The following GPC6 variants were observed in gnomAD, a reference collection of about 807,000 sequenced individuals.
The protein encoded by GPC6 is glypican 6.
GPC6 carries 14 observed loss-of-function variants against 55.2 expected under a neutral mutation model. The observed-to-expected ratio is 0.25, with a 90% CI of 0.17 to 0.40. The LOEUF (loss-of-function observed/expected upper bound fraction) is 0.40. GPC6 is among the 10% of genes least tolerant of loss of function. The pLI is 1.00. For missense variants in GPC6, 641 were observed against 708.5 expected, an observed-to-expected ratio of 0.90 and a Z score of 1.08; for synonymous variants, 278 against 259.6, an observed-to-expected ratio of 1.07 and a Z score of -0.68.
intron 6 of GPC6, among the ~76,000 whole-genome samples, chr13:94,379,782 G>A (rs965762166): frequency 2.6e-5 from 4 of 152,148 alleles, no homozygotes; most frequent in African/African-American, 9.7e-5. Flanking sequence ...AGGACTATTA[G>A]TCACTTGACC....
intron 1 of GPC6, among the ~76,000 whole-genome samples, chr13:93,326,264 G>A (rs561217515): frequency 1.3e-5 from 2 of 152,234 alleles, no homozygotes; most frequent in Admixed American, 1.3e-4. Context: ...GTGTGCATTG[G>A]ACTATCTGGG....
intron 4 of GPC6, among the ~76,000 whole-genome samples, chr13:94,183,123 T>G (rs1594031998): frequency 6.6e-6 from 1 of 152,330 alleles, no homozygotes; most frequent in Middle Eastern, 3.4e-3. Context: ...ATTATATTCA[T>G]AATTTCGTGC....
At chr13:93,275,110 C>T (rs988456522) in intron 1 of GPC6, among the ~76,000 whole-genome samples, 1 of 152,192 alleles carries the variant, frequency 6.6e-6, no homozygotes, top group African/African-American at 2.4e-5. Context: ...GGGAAAGCCT[C>T]TTCTGATTAT....
intron 2 of GPC6, among the ~76,000 whole-genome samples, chr13:93,766,866 A>G (rs868559213): frequency 9.8e-5 from 15 of 152,308 alleles, no homozygotes; most frequent in Middle Eastern, 3.4e-3. Context: ...CCAAATATAT[A>G]TAATTGTTAC....
At chr13:93,644,669 AATG>A (rs1013732231) in intron 2 of GPC6, among the ~76,000 whole-genome samples, 19 of 152,070 alleles carry the variant, frequency 1.2e-4, no homozygotes, top group African/African-American at 4.3e-4. Flanking sequence ...TTATAAAAAT[AATG>A]ATGATAGTTA....
intron 4 of GPC6, among the ~76,000 whole-genome samples, chr13:94,187,652 G>T (rs1310113181): frequency 2.0e-5 from 3 of 152,142 alleles, no homozygotes; most frequent in Non-Finnish European, 4.4e-5. Flanking sequence ...GGCAAACATT[G>T]TTCTAGGTGC....
chr13:93,241,223 A>G (rs1426160321), intron 1 of GPC6, among the ~76,000 whole-genome samples: 1 of 152,198 alleles, frequency 6.6e-6, no homozygotes, highest in Non-Finnish European at 1.5e-5. Flanking sequence ...TATTCCCTCA[A>G]ATAGGTTTTC....
chr13:94,264,886 A>G (rs573192799), intron 4 of GPC6, among the ~76,000 whole-genome samples: 2 of 152,344 alleles, frequency 1.3e-5, no homozygotes, highest in Admixed American at 6.5e-5. Context: ...GGCAGCAGGC[A>G]AGAGAGAATG....
chr13:93,645,976 G>A (rs576362079), intron 2 of GPC6, among the ~76,000 whole-genome samples: 8 of 152,212 alleles, frequency 5.3e-5, no homozygotes, highest in African/African-American at 1.9e-4. Context: ...GCGCTCGACA[G>A]TACTGGGGAA....
At chr13:93,503,620 C>A (rs576557953) in intron 1 of GPC6, among the ~76,000 whole-genome samples, 7 of 152,140 alleles carry the variant, frequency 4.6e-5, no homozygotes, top group African/African-American at 1.7e-4. Flanking sequence ...CTGGATATTC[C>A]ATTTGTGTGT....
intron 5 of GPC6, among the ~76,000 whole-genome samples, chr13:94,288,749 A>AATATATATAATAAATAT (rs1594134792): frequency 7.6e-5 from 7 of 91,702 alleles, no homozygotes; most frequent in Non-Finnish European, 1.3e-4. Flanking sequence ...ATATATATAT[A>AATATATATAATAAATAT]ATATATATAA....
At chr13:93,943,739 G>T (rs1470044629) in intron 3 of GPC6, among the ~76,000 whole-genome samples, 1 of 152,020 alleles carries the variant, frequency 6.6e-6, no homozygotes, top group Non-Finnish European at 1.5e-5. Flanking sequence ...GTTTCTACCT[G>T]TTCTACTCTC....
At chr13:94,331,359 A>G (rs1217428286) in intron 6 of GPC6, among the ~76,000 whole-genome samples, 1 of 152,094 alleles carries the variant, frequency 6.6e-6, no homozygotes, top group Non-Finnish European at 1.5e-5. Flanking sequence ...ATCCTTTCAG[A>G]GAGGAAGTTT....
intron 1 of GPC6, among the ~76,000 whole-genome samples, chr13:93,268,655 CT>C (rs1473170893): frequency 6.6e-6 from 1 of 152,062 alleles, no homozygotes; most frequent in African/African-American, 2.4e-5. Flanking sequence ...TTTGCTGCAT[CT>C]ATATTGGACT....
chr13:93,859,078 C>T (rs1888723564), intron 3 of GPC6, among the ~76,000 whole-genome samples: 1 of 151,424 alleles, frequency 6.6e-6, no homozygotes, highest in South Asian at 2.1e-4. Flanking sequence ...GGGGTCTATA[C>T]TATTATATCT....
At chr13:93,581,865 T>C (rs1415125236) in intron 2 of GPC6, among the ~76,000 whole-genome samples, 1 of 152,224 alleles carries the variant, frequency 6.6e-6, no homozygotes, top group Admixed American at 6.5e-5. Context: ...TTTCTTTTTC[T>C]TTGAAGCAAA....
chr13:94,383,382 G>T (rs17196177), intron 7 of GPC6, among the ~76,000 whole-genome samples: 35,504 of 152,020 alleles, frequency 0.23, 4,748 homozygotes, highest in Middle Eastern at 0.36. Context: ...TCTGTTCTGG[G>T]GCTTGACTGA....
intron 3 of GPC6, among the ~76,000 whole-genome samples, chr13:93,940,048 C>T (rs1186642478): frequency 6.6e-6 from 1 of 152,028 alleles, no homozygotes; most frequent in Non-Finnish European, 1.5e-5. Flanking sequence ...GAAAATAAGT[C>T]TTTAATCCTT....
At chr13:93,795,628 A>G (rs751538901) in intron 2 of GPC6, among the ~76,000 whole-genome samples, 1 of 152,250 alleles carries the variant, frequency 6.6e-6, no homozygotes, top group Non-Finnish European at 1.5e-5. Flanking sequence ...GTTTGCCAAG[A>G]CACTTATAAA....
Sources: allele counts gnomAD v4.1 joint callset (sites outside exome capture counted in the v4.1 genomes callset), GRCh38; gene constraint gnomAD v4.1.1; transcripts MANE v1.5; gene names NCBI Gene and HGNC (gene_info 2026-07-23, HGNC 2026-07-21).